Variants in OR7E24 observed in about 807,000 individuals in gnomAD.
OR7E24 encodes the protein olfactory receptor family 7 subfamily E member 24.
For missense variants in OR7E24, 385 were observed against 410.3 expected, an observed-to-expected ratio of 0.94 and a Z score of 0.53; for synonymous variants, 130 against 157.5, an observed-to-expected ratio of 0.83 and a Z score of 1.31.
chr19:9,233,138 C>T, the OR7E24 span, among the ~76,000 whole-genome samples: 282 of 152,252 alleles, frequency 1.9e-3, 2 homozygotes, highest in African/African-American at 6.4e-3. Context: ...AATCATGACC[C>T]AATCTTCTTC....
chr19:9,243,078 G>A (rs935618966), upstream of OR7E24, among the ~76,000 whole-genome samples: 2 of 152,170 alleles, frequency 1.3e-5, no homozygotes, highest in African/African-American at 4.8e-5. Context: ...ACTTTCTGGA[G>A]ATGTCTTCAG....
the OR7E24 span, chr19:9,212,696 C>T: frequency 2.0e-5 from 3 of 152,154 alleles, no homozygotes; most frequent in African/African-American, 4.8e-5. Flanking sequence ...ACCCAACCAG[C>T]TTTCAAATAT....
the OR7E24 span, chr19:9,214,701 A>G: frequency 6.2e-7 from 1 of 1,614,130 alleles, no homozygotes; most frequent in Non-Finnish European, 8.5e-7. Flanking sequence ...GACGGCCAGA[A>G]TGATGAGCAG....
chr19:9,242,340 G>T, the OR7E24 span, among the ~76,000 whole-genome samples: 1 of 152,068 alleles, frequency 6.6e-6, no homozygotes. Context: ...ACCACCTCCC[G>T]GGTTCAAGCA....
the OR7E24 span, among the ~76,000 whole-genome samples, chr19:9,239,907 CCA>C: frequency 6.6e-6 from 1 of 152,018 alleles, no homozygotes; most frequent in African/African-American, 2.4e-5. Context: ...TGGGGTTTCA[CCA>C]TATTGGTCAG....
upstream of OR7E24, among the ~76,000 whole-genome samples, chr19:9,249,634 C>T (rs1159552165): frequency 1.3e-5 from 2 of 152,136 alleles, no homozygotes; most frequent in African/African-American, 2.4e-5. Flanking sequence ...ATTCCAGCCA[C>T]AACGAAAGTA....
At chr19:9,227,534 A>C in the OR7E24 span, among the ~76,000 whole-genome samples, 99 of 151,680 alleles carry the variant, frequency 6.5e-4, no homozygotes, top group South Asian at 0.02. Flanking sequence ...GCCTGATATC[A>C]TTCTTTTTTA....
At chr19:9,226,526 GGAA>G in the OR7E24 span, among the ~76,000 whole-genome samples, 9 of 152,210 alleles carry the variant, frequency 5.9e-5, no homozygotes, top group Non-Finnish European at 1.3e-4. Flanking sequence ...CTTCAAATAA[GGAA>G]GAGGAACAGG....
At chr19:9,225,864 T>C in the OR7E24 span, among the ~76,000 whole-genome samples, 2 of 152,218 alleles carry the variant, frequency 1.3e-5, no homozygotes, top group African/African-American at 4.8e-5. Context: ...AGAGTTGCTC[T>C]CAGCTGAAGG....
At chr19:9,218,650 GA>G in the OR7E24 span, among the ~76,000 whole-genome samples, 25 of 151,850 alleles carry the variant, frequency 1.6e-4, no homozygotes, top group African/African-American at 6.0e-4. Flanking sequence ...TTTTGGGGGG[GA>G]CATGGTGTCA....
chr19:9,209,617 T>C, the OR7E24 span: 1 of 152,024 alleles, frequency 6.6e-6, no homozygotes, highest in Non-Finnish European at 1.5e-5. Flanking sequence ...TAACTGGATA[T>C]TACAAACTGT....
At chr19:9,250,251 T>G (rs961328049), upstream of OR7E24, among the ~76,000 whole-genome samples, 7 of 152,062 alleles carry the variant, frequency 4.6e-5, no homozygotes, top group Non-Finnish European at 1.0e-4. Flanking sequence ...GGCGCCACCA[T>G]GCCTGTCTAA....
the OR7E24 span, chr19:9,236,083 C>G: frequency 2.1e-6 from 3 of 1,425,572 alleles, no homozygotes; most frequent in African/African-American, 4.2e-5. Flanking sequence ...TTGTCTCTTA[C>G]GGTACACAAC....
chr19:9,227,601 A>G, the OR7E24 span, among the ~76,000 whole-genome samples: 2 of 152,128 alleles, frequency 1.3e-5, no homozygotes, highest in East Asian at 3.9e-4. Context: ...CCAGTCTATC[A>G]CTGATGGACA....
chr19:9,240,968 C>T, the OR7E24 span, among the ~76,000 whole-genome samples: 4 of 152,078 alleles, frequency 2.6e-5, no homozygotes, highest in Non-Finnish European at 5.9e-5. Context: ...CAGGTGCCCG[C>T]CACCACGCCT....
chr19:9,212,255 T>C, the OR7E24 span: 1 of 152,358 alleles, frequency 6.6e-6, no homozygotes, highest in South Asian at 2.1e-4. Flanking sequence ...TGTTTTATGT[T>C]TTAGACAGAG....
the OR7E24 span, among the ~76,000 whole-genome samples, chr19:9,234,734 A>G: frequency 1.3e-5 from 2 of 152,220 alleles, no homozygotes; most frequent in African/African-American, 2.4e-5. Flanking sequence ...AGGAACTGAG[A>G]ATTAACTGTC....
the OR7E24 span, among the ~76,000 whole-genome samples, chr19:9,232,163 C>T: frequency 1.1e-3 from 162 of 152,130 alleles, 1 homozygote; most frequent in East Asian, 0.029. Context: ...GCAGCTGTGC[C>T]AATGGGAAAA....
chr19:9,239,461 G>A, the OR7E24 span, among the ~76,000 whole-genome samples: 3 of 151,790 alleles, frequency 2.0e-5, no homozygotes, highest in African/African-American at 2.4e-5. Context: ...CTGAGCCACC[G>A]CACATGGCCA....
Sources: gnomAD v4.1 joint callset for allele counts (sites outside exome capture counted in the v4.1 genomes callset) on GRCh38, gnomAD v4.1.1 for gene constraint, MANE v1.5 for transcripts, NCBI Gene and HGNC (gene_info 2026-07-23, HGNC 2026-07-21) for gene names.